Variants in NPHP1 observed in about 807,000 individuals in gnomAD.
NPHP1 encodes nephrocystin-1.
Under a neutral mutation model 90.4 loss-of-function variants are expected in NPHP1, and 70 were observed. That is an observed-to-expected ratio of 0.77 (90% confidence interval 0.64 to 0.95). NPHP1 has a LOEUF of 0.95. NPHP1 is among the 40% of genes least tolerant of loss of function. NPHP1 has a pLI of 0.00. For synonymous variants in NPHP1, 256 were observed against 271.7 expected (o/e 0.94, Z 0.57); for missense variants, 764 against 795.9 (o/e 0.96, Z 0.48).
intron 4 of NPHP1, among the ~76,000 whole-genome samples, chr2:110,171,999 C>T (rs1286527263): frequency 1.3e-5 from 2 of 152,070 alleles, no homozygotes; most frequent in African/African-American, 2.4e-5. Flanking sequence ...TAAATGTTTA[C>T]AATAAATTCA....
At chr2:110,135,749 A>G (rs1289114611) in intron 16 of NPHP1, among the ~76,000 whole-genome samples, 2 of 152,184 alleles carry the variant, frequency 1.3e-5, no homozygotes, top group Non-Finnish European at 2.9e-5. Context: ...TTGGGCTGAG[A>G]AAAATCACCA....
intron 2 of NPHP1, among the ~76,000 whole-genome samples, chr2:110,200,834 A>G (rs1685529881): frequency 6.6e-6 from 1 of 152,186 alleles, no homozygotes; most frequent in Non-Finnish European, 1.5e-5. Context: ...TGACTTAAGT[A>G]AAACTTCTCC....
At chr2:110,180,448 C>CTTTTT (rs3086121) in intron 2 of NPHP1, among the ~76,000 whole-genome samples, 33 of 80,918 alleles carry the variant, frequency 4.1e-4, no homozygotes, top group South Asian at 1.9e-3. Context: ...CCGTTTGAGT[C>CTTTTT]TTTTTTTTTT....
intron 11 of NPHP1, among the ~76,000 whole-genome samples, chr2:110,156,169 C>G (rs565259213): frequency 7.9e-5 from 12 of 151,188 alleles, no homozygotes; most frequent in Admixed American, 3.9e-4. Flanking sequence ...CCTCCCAGGT[C>G]CCGGTTCAAG....
intron 16 of NPHP1, among the ~76,000 whole-genome samples, chr2:110,141,779 T>C (rs893550704): frequency 6.6e-6 from 1 of 151,930 alleles, no homozygotes; most frequent in Non-Finnish European, 1.5e-5. Context: ...GAGACCATCC[T>C]GGCCAACATG....
At chr2:110,203,506 C>T (rs1252070444) in intron 1 of NPHP1, among the ~76,000 whole-genome samples, 4 of 152,096 alleles carry the variant, frequency 2.6e-5, no homozygotes, top group African/African-American at 7.2e-5. Context: ...TTTTTTATTT[C>T]TACCAGAAGA....
intron 2 of NPHP1, among the ~76,000 whole-genome samples, chr2:110,191,093 C>G (rs1684694986): frequency 6.6e-6 from 1 of 152,116 alleles, no homozygotes; most frequent in African/African-American, 2.4e-5. Context: ...GTGAGTGACG[C>G]AGAAGATGAA....
intron 4 of NPHP1, among the ~76,000 whole-genome samples, chr2:110,170,574 A>G (rs1683052834): frequency 1.3e-5 from 2 of 152,276 alleles, no homozygotes; most frequent in African/African-American, 4.8e-5. Context: ...TGTCAGAGAG[A>G]TACACAGTGG....
intron 2 of NPHP1, chr2:110,184,574 C>T: frequency 7.9e-7 from 1 of 1,270,840 alleles, no homozygotes; most frequent in South Asian, 1.2e-5. Flanking sequence ...TCTATCAGGG[C>T]TTTGCCATGC....
chr2:110,149,837 G>T (rs934292070), intron 12 of NPHP1, among the ~76,000 whole-genome samples: 1 of 152,090 alleles, frequency 6.6e-6, no homozygotes, highest in Non-Finnish European at 1.5e-5. Flanking sequence ...TCCCTCAGGC[G>T]TCATCCCTGA....
chr2:110,156,291 G>A (rs1681883053), intron 11 of NPHP1, among the ~76,000 whole-genome samples: 1 of 151,994 alleles, frequency 6.6e-6, no homozygotes, highest in Non-Finnish European at 1.5e-5. Flanking sequence ...CATGAGATCT[G>A]ATGGTTTTAA....
intron 2 of NPHP1, among the ~76,000 whole-genome samples, chr2:110,199,952 TTG>T (rs1354990746): frequency 1.2e-4 from 18 of 152,252 alleles, no homozygotes; most frequent in Non-Finnish European, 1.3e-4. Flanking sequence ...CTATGGTTAC[TTG>T]GGCTTAAAAA....
intron 16 of NPHP1, among the ~76,000 whole-genome samples, chr2:110,132,244 C>T (rs1298015111): frequency 6.6e-6 from 1 of 152,182 alleles, no homozygotes; most frequent in Non-Finnish European, 1.5e-5. Flanking sequence ...GACTTTGTCA[C>T]TTCTTAGCTA....
intron 14 of NPHP1, among the ~76,000 whole-genome samples, chr2:110,145,370 A>C (rs182213082): frequency 9.9e-5 from 15 of 152,252 alleles, no homozygotes; most frequent in Middle Eastern, 3.4e-3. Context: ...TGCTCACTGC[A>C]GTCTCGACCT....
chr2:110,133,497 A>G (rs1297682331), intron 16 of NPHP1, among the ~76,000 whole-genome samples: 1 of 152,132 alleles, frequency 6.6e-6, no homozygotes, highest in African/African-American at 2.4e-5. Flanking sequence ...TAGAACAATG[A>G]AACAGAAGAT....
chr2:110,130,277 G>C (rs1451115363), intron 17 of NPHP1, among the ~76,000 whole-genome samples: 1 of 152,146 alleles, frequency 6.6e-6, no homozygotes, highest in Non-Finnish European at 1.5e-5. Flanking sequence ...CTATAATCTG[G>C]TGTCCTCAGT....
chr2:110,178,338 C>A (rs1683648874), intron 4 of NPHP1, 85 bp downstream of exon 4: 1 of 1,276,500 alleles, frequency 7.8e-7, no homozygotes, highest in Non-Finnish European at 1.1e-6. Context: ...TATATCTATA[C>A]TGCTATATGT....
In NPHP1 at chr2:110,188,894, G is replaced by A. The variant is rs1338620395; in HGVS notation, c.144-9210C>T. Among the ~76,000 whole-genome samples the A allele has an allele frequency of 2.6e-5, 4 of 152,130 alleles. 1 individual carries two copies. Among genetic ancestry groups the A allele is most frequent in the South Asian group, 2.1e-4 (1 of 4,812 alleles). ...CAAACCTGACAAAAACAAGCAATGCGGAAAGGGCCCCCTATTTAATAAATG... is the reference window on the plus strand; with the variant it reads ...CAAACCTGACAAAAACAAGCAATGCAGAAAGGGCCCCCTATTTAATAAATG... On this transcript the variant is annotated intron_variant, in intron 2 of 19. Transcript: ENST00000445609.
intron 11 of NPHP1, among the ~76,000 whole-genome samples, chr2:110,152,868 G>A (rs780334731): frequency 2.0e-5 from 3 of 151,846 alleles, no homozygotes; most frequent in Non-Finnish European, 4.4e-5. Context: ...AAACGGCACT[G>A]GAAGAAATAA....
Sources: allele counts gnomAD v4.1 joint callset (sites outside exome capture counted in the v4.1 genomes callset), GRCh38; gene constraint gnomAD v4.1.1; transcripts MANE v1.5; gene names NCBI Gene and HGNC (gene_info 2026-07-23, HGNC 2026-07-21).